Variants in KCNN2 observed in about 807,000 individuals in gnomAD.
KCNN2 encodes potassium calcium-activated channel subfamily N member 2.
In KCNN2, 24 loss-of-function variants were observed where a neutral mutation model predicts 55.5. The ratio of observed to expected loss-of-function variants is 0.43; its 90% CI spans 0.31 to 0.61. The LOEUF (loss-of-function observed/expected upper bound fraction) is 0.61, where lower values mean the gene tolerates loss of function less well. Ranked by LOEUF, KCNN2 falls within the 20% of genes least tolerant of loss-of-function variation. The pLI is 0.08. For synonymous variants in KCNN2, 431 were observed against 336.1 expected, an observed-to-expected ratio of 1.28 and a Z score of -3.09; for missense variants, 754 against 853.6, an observed-to-expected ratio of 0.88 and a Z score of 1.45.
chr5:114,485,019 A>G (rs2150135634), intron 5 of KCNN2, among the ~76,000 whole-genome samples: 1 of 152,276 alleles, frequency 6.6e-6, no homozygotes, highest in East Asian at 1.9e-4. Context: ...TTCTTCATAT[A>G]CCCAAGAGAA....
chr5:114,134,214 G>A (rs1350315502), intron 1 of KCNN2, among the ~76,000 whole-genome samples: 2 of 150,838 alleles, frequency 1.3e-5, no homozygotes, highest in African/African-American at 4.9e-5. Flanking sequence ...TCCTAGGAAG[G>A]ATTTTTTAAA....
At chr5:114,342,947 C>T (rs975194660) in intron 2 of KCNN2, among the ~76,000 whole-genome samples, 3 of 152,122 alleles carry the variant, frequency 2.0e-5, no homozygotes, top group Admixed American at 6.5e-5. Flanking sequence ...ACAGATCACC[C>T]CGTCAGCCAG....
At chr5:114,360,276 C>T (rs566502940), upstream of KCNN2, among the ~76,000 whole-genome samples, 32 of 152,110 alleles carry the variant, frequency 2.1e-4, no homozygotes, top group South Asian at 6.5e-3. Flanking sequence ...ATGAATTATT[C>T]ATTCCATGGC....
chr5:114,376,910 G>A (rs1295498098), intron 2 of KCNN2, among the ~76,000 whole-genome samples: 1 of 152,030 alleles, frequency 6.6e-6, no homozygotes, highest in Non-Finnish European at 1.5e-5. Context: ...AACATAGCAA[G>A]ACCCCATCTG....
intron 1 of KCNN2, among the ~76,000 whole-genome samples, chr5:114,176,894 C>A (rs1351750665): frequency 6.6e-6 from 1 of 152,010 alleles, no homozygotes; most frequent in Admixed American, 6.6e-5. Flanking sequence ...TAATATAGAA[C>A]TTTACCTAGT....
intron 1 of KCNN2, among the ~76,000 whole-genome samples, chr5:114,179,855 G>A (rs889806161): frequency 6.6e-6 from 1 of 152,112 alleles, no homozygotes; most frequent in Admixed American, 6.5e-5. Flanking sequence ...TAGAGACTAT[G>A]CAAAGAATAG....
intron 5 of KCNN2, among the ~76,000 whole-genome samples, chr5:114,480,096 A>C (rs1266013946): frequency 6.6e-6 from 1 of 152,092 alleles, no homozygotes; most frequent in Admixed American, 6.6e-5. Flanking sequence ...TCTTTGAAAA[A>C]ATTAAAATAA....
At chr5:114,200,662 C>G (rs1425596124) in intron 1 of KCNN2, among the ~76,000 whole-genome samples, 12 of 148,550 alleles carry the variant, frequency 8.1e-5, no homozygotes, top group Admixed American at 5.3e-4. Context: ...TTTTTTTTTT[C>G]AAATTGCTTT....
chr5:114,375,864 G>C (rs939613848), intron 2 of KCNN2, among the ~76,000 whole-genome samples: 1 of 149,502 alleles, frequency 6.7e-6, no homozygotes, highest in Non-Finnish European at 1.5e-5. Flanking sequence ...ACAATTCAGG[G>C]ATGAAAACTA....
intron 1 of KCNN2, among the ~76,000 whole-genome samples, chr5:114,092,688 C>G (rs1201171283): frequency 6.6e-6 from 1 of 152,226 alleles, no homozygotes; most frequent in Non-Finnish European, 1.5e-5. Flanking sequence ...TGTTCCCAAA[C>G]CTCAATTCTT....
chr5:114,423,208 A>T (rs1403843333), intron 3 of KCNN2, among the ~76,000 whole-genome samples: 3 of 152,222 alleles, frequency 2.0e-5, no homozygotes, highest in African/African-American at 4.8e-5. Flanking sequence ...GAACAGAACC[A>T]GTGATCAGAA....
At chr5:114,389,691 A>G (rs1389595121) in intron 2 of KCNN2, among the ~76,000 whole-genome samples, 1 of 152,126 alleles carries the variant, frequency 6.6e-6, no homozygotes, top group Middle Eastern at 3.2e-3. Context: ...AAAAATATCT[A>G]ACTTGGAAAA....
intron 2 of KCNN2, among the ~76,000 whole-genome samples, chr5:114,222,598 C>T (rs147549864): frequency 8.5e-5 from 13 of 152,184 alleles, no homozygotes; most frequent in African/African-American, 2.2e-4. Context: ...ACTATATTAT[C>T]GGATGGGAAT....
At chr5:114,148,842 G>A (rs1356563626) in intron 1 of KCNN2, among the ~76,000 whole-genome samples, 2 of 152,060 alleles carry the variant, frequency 1.3e-5, no homozygotes, top group Non-Finnish European at 1.5e-5. Context: ...GGACTAGTAG[G>A]GGGTCAGCTA....
At chr5:114,168,543 C>T (rs1437446094) in intron 1 of KCNN2, among the ~76,000 whole-genome samples, 2 of 151,946 alleles carry the variant, frequency 1.3e-5, no homozygotes, top group African/African-American at 2.4e-5. Context: ...GAGTCATTTG[C>T]AGTAAATTTT....
At chr5:114,475,846 A>C (rs1761940539) in intron 5 of KCNN2, among the ~76,000 whole-genome samples, 1 of 152,010 alleles carries the variant, frequency 6.6e-6, no homozygotes, top group Non-Finnish European at 1.5e-5. Context: ...CAAACTGACA[A>C]AGTTTTCTGA....
At chr5:114,127,406 A>G (rs1418774464) in intron 1 of KCNN2, among the ~76,000 whole-genome samples, 2 of 152,106 alleles carry the variant, frequency 1.3e-5, no homozygotes, top group South Asian at 2.1e-4. Flanking sequence ...AGGCTCAACA[A>G]CACGTGGAAG....
chr5:114,188,611 T>C (rs1753386352), intron 1 of KCNN2, among the ~76,000 whole-genome samples: 1 of 152,220 alleles, frequency 6.6e-6, no homozygotes, highest in Middle Eastern at 3.4e-3. Flanking sequence ...AATAAAAAAA[T>C]TCAGCAAGCT....
At chr5:114,114,754 C>G (rs1359768455) in intron 1 of KCNN2, among the ~76,000 whole-genome samples, 1 of 152,140 alleles carries the variant, frequency 6.6e-6, no homozygotes, top group Non-Finnish European at 1.5e-5. Context: ...TCAGCATTCA[C>G]TGAGTGTCCA....
Sources: allele counts gnomAD v4.1 joint callset (sites outside exome capture counted in the v4.1 genomes callset), GRCh38; gene constraint gnomAD v4.1.1; transcripts MANE v1.5; gene names NCBI Gene and HGNC (gene_info 2026-07-23, HGNC 2026-07-21).